The following AHI1 variants were observed in gnomAD, a reference collection of about 807,000 sequenced individuals.
The protein encoded by AHI1 is jouberin.
AHI1 carries 123 observed loss-of-function variants against 149.3 expected under a neutral mutation model. The observed-to-expected ratio is 0.82, with a 90% CI of 0.71 to 0.96. The LOEUF (loss-of-function observed/expected upper bound fraction) is 0.96, where lower values mean the gene tolerates loss of function less well. Among genes scored for constraint, AHI1 ranks in the 40% least tolerant of loss-of-function variants. The probability of loss-of-function intolerance (pLI) is 0.00; values close to 1 mark genes in which losing one functional copy is unlikely to be tolerated. For missense variants in AHI1, 1,439 were observed against 1,422.7 expected (o/e 1.01, Z -0.18); for synonymous variants, 475 against 459.8 (o/e 1.03, Z -0.42).
chr6:135,438,423 G>C lies in AHI1; in HGVS notation c.1988C>G (p.Ser663Ter). 3 of 1,568,544 alleles carry C rather than the reference G, an allele frequency of 1.9e-6. No homozygotes were observed. Among genetic ancestry groups the C allele is most frequent in the Non-Finnish European group, 2.6e-6 (3 of 1,154,750 alleles). The change falls in exon 15 of 29, where the codon TCA (serine) becomes TGA (stop). Residue 663 changes from serine (S) to a stop codon, truncating the protein, a stop_gained. Transcript: ENST00000265602. LOFTEE classifies it high-confidence loss of function. ...AGTAAGGATGTAGTGATCATCTTTT[G>C]ACCAGGAAAGATCATAAATGATATT... ...HLNIIYDLSW[S>*]KDDHYILTSS...
chr6:135,334,991 T>G (rs1034078474), intron 24 of AHI1, among the ~76,000 whole-genome samples: 4 of 152,240 alleles, frequency 2.6e-5, no homozygotes, highest in African/African-American at 4.8e-5. Flanking sequence ...AATACTTTAT[T>G]TTACTGGTCT....
At chr6:135,344,164 A>T (rs1023115089) in intron 24 of AHI1, among the ~76,000 whole-genome samples, 2 of 151,988 alleles carry the variant, frequency 1.3e-5, no homozygotes, top group Admixed American at 1.3e-4. Context: ...TAAATGCTAT[A>T]CAAATAGTTG....
rs545776695 is a variant in AHI1, at chr6:135,378,831, G to C, written c.3109+15945C>G. On this transcript the variant is annotated intron_variant, in intron 23 of 28. Coordinates refer to ENST00000265602, the MANE Select transcript of AHI1 (RefSeq NM_001134831.2). Reference sequence around the variant, plus strand: ...TTAAAAAAATACAACAACAAAAGAAGCTTCTTGTATTTTCTTGTTTCCTCC... The same window carrying C: ...TTAAAAAAATACAACAACAAAAGAACCTTCTTGTATTTTCTTGTTTCCTCC... Among the ~76,000 whole-genome samples, 118 of 152,174 alleles carry C rather than the reference G, an allele frequency of 7.8e-4. 3 individuals are homozygous for C. The South Asian group carries it at 0.023, about 30-fold the overall frequency.
intron 13 of AHI1, among the ~76,000 whole-genome samples, chr6:135,442,979 T>C (rs1258611058): frequency 6.6e-6 from 1 of 152,200 alleles, no homozygotes. Context: ...CAATATCTGA[T>C]ACTCTAAAGC....
chr6:135,372,807 G>T (rs1224511894), intron 23 of AHI1, among the ~76,000 whole-genome samples: 4 of 152,204 alleles, frequency 2.6e-5, no homozygotes, highest in Admixed American at 1.3e-4. Flanking sequence ...ACTAAAAGCA[G>T]CAGTACCTGG....
At chr6:135,482,938 C>G (rs1312086167) in intron 5 of AHI1, among the ~76,000 whole-genome samples, 3 of 103,114 alleles carry the variant, frequency 2.9e-5, no homozygotes, top group Non-Finnish European at 1.8e-5. Flanking sequence ...GTCACCTGAG[C>G]TGGAGTGCAG....
chr6:135,346,409 C>T (rs1051286402), intron 24 of AHI1, among the ~76,000 whole-genome samples: 1 of 151,904 alleles, frequency 6.6e-6, no homozygotes, highest in African/African-American at 2.4e-5. Flanking sequence ...AGTGTGTTAG[C>T]CAGGCTGGTC....
At chr6:135,468,960 T>C (rs1212136364) in intron 5 of AHI1, among the ~76,000 whole-genome samples, 2 of 152,166 alleles carry the variant, frequency 1.3e-5, no homozygotes, top group African/African-American at 4.8e-5. Flanking sequence ...CTACTAAAAC[T>C]ATTCCAAATA....
At chr6:135,492,705 G>A (rs578086105) in intron 3 of AHI1, 2 of 985,266 alleles carry the variant, frequency 2.0e-6, no homozygotes, top group South Asian at 9.4e-5. Flanking sequence ...CTTGTGGGTA[G>A]CACACTCACA....
At chr6:135,419,170 T>C (rs1782795929) in intron 20 of AHI1, among the ~76,000 whole-genome samples, 1 of 152,100 alleles carries the variant, frequency 6.6e-6, no homozygotes, top group Non-Finnish European at 1.5e-5. Context: ...TATAGAGTGA[T>C]GTGTAGCAGA....
At chr6:135,333,022 T>A (rs1163635003) in intron 24 of AHI1, among the ~76,000 whole-genome samples, 3 of 152,246 alleles carry the variant, frequency 2.0e-5, no homozygotes, top group African/African-American at 7.2e-5. Flanking sequence ...ATTTTTGCCA[T>A]CCTGTTGTTG....
intron 2 of AHI1, among the ~76,000 whole-genome samples, chr6:135,496,104 T>C (rs923175252): frequency 1.3e-5 from 2 of 152,006 alleles, no homozygotes; most frequent in African/African-American, 4.8e-5. Flanking sequence ...GCAAATACAG[T>C]ACAGAAATCA....
intron 25 of AHI1, among the ~76,000 whole-genome samples, chr6:135,320,730 A>G (rs1225654125): frequency 6.6e-6 from 1 of 152,226 alleles, no homozygotes; most frequent in Non-Finnish European, 1.5e-5. Flanking sequence ...AAGGGAGAAA[A>G]TTTAAAAAAT....
At chr6:135,440,709 C>T (rs1339462464) in intron 14 of AHI1, among the ~76,000 whole-genome samples, 4 of 152,276 alleles carry the variant, frequency 2.6e-5, no homozygotes, top group South Asian at 4.1e-4. Context: ...CTAACCACAA[C>T]GGTGGTCTCT....
Position 135,455,843 on chromosome 6 carries a change from T to C in AHI1, c.1235A>G (p.Gln412Arg), listed in dbSNP as rs1264460804. 2.5e-6 allele frequency: 4 copies of C among 1,597,216 alleles called. No homozygotes were observed. The highest frequency in any genetic ancestry group is 1.7e-6 in the Non-Finnish European group (2 of 1,169,556). The change falls in exon 10 of 29, where the codon CAG becomes CGG. Residue 412 changes from glutamine to arginine, a missense_variant. By Grantham distance (43) the Gln-to-Arg change is conservative (BLOSUM62 1). Coordinates refer to ENST00000265602, the MANE Select transcript of AHI1 (RefSeq NM_001134831.2). The part of the protein sequence containing the change: ...PIMTQPYDFK[Q>R]LKSRLPEWEE... ...CCACTCTGGAAGTCTTGATTTTAAC[T>C]GTTTAAAATCATATGGCTGGGTCAT...
At chr6:135,459,434 T>C (rs985652548) in intron 8 of AHI1, among the ~76,000 whole-genome samples, 9 of 152,016 alleles carry the variant, frequency 5.9e-5, no homozygotes, top group African/African-American at 2.2e-4. Flanking sequence ...AAACCCAATT[T>C]TAAAGCTAGA....
intron 23 of AHI1, among the ~76,000 whole-genome samples, chr6:135,391,533 C>T (rs1393316586): frequency 1.3e-5 from 2 of 152,090 alleles, no homozygotes; most frequent in South Asian, 2.1e-4. Flanking sequence ...TGCACCTAGG[C>T]GTGTGGGTCG....
chr6:135,434,649 G>A (rs1785137229), intron 15 of AHI1, among the ~76,000 whole-genome samples: 2 of 151,956 alleles, frequency 1.3e-5, no homozygotes. Context: ...GATGGTTTCT[G>A]TTACCCAGGC....
chr6:135,473,832 T>C (rs1402993297), intron 5 of AHI1, among the ~76,000 whole-genome samples: 1 of 152,204 alleles, frequency 6.6e-6, no homozygotes, highest in Non-Finnish European at 1.5e-5. Flanking sequence ...TGACCATATA[T>C]TCTGCTAAGC....
Sources: gnomAD v4.1 joint callset for allele counts (sites outside exome capture counted in the v4.1 genomes callset) on GRCh38, gnomAD v4.1.1 for gene constraint, MANE v1.5 for transcripts, NCBI Gene and HGNC (gene_info 2026-07-23, HGNC 2026-07-21) for gene names.